Variants in FNIP2 observed in about 807,000 individuals in gnomAD.
FNIP2 encodes the protein folliculin-interacting protein 2.
Under a neutral mutation model 108.7 loss-of-function variants are expected in FNIP2, and 32 were observed. That is an observed-to-expected ratio of 0.29 (90% CI 0.22 to 0.40). The LOEUF (loss-of-function observed/expected upper bound fraction) is 0.40, where lower values mean the gene tolerates loss of function less well. Ranked by LOEUF, FNIP2 falls within the 10% of genes least tolerant of loss-of-function variation. The pLI is 1.00. For missense variants in FNIP2, 1,202 were observed against 1,381.6 expected (o/e 0.87, Z 2.06); for synonymous variants, 480 against 496.7 (o/e 0.97, Z 0.45).
At position 158,869,214 on chromosome 4, in the gene FNIP2, C is replaced by T. The variant is rs769641330; in HGVS notation, c.2578C>T (p.Arg860Trp). The T allele has an allele frequency of 1.4e-5, 23 of 1,613,912 alleles. No individual in the cohort carries two copies. Among genetic ancestry groups the T allele is most frequent in the Middle Eastern group, 1.6e-4 (1 of 6,084 alleles). The stretch of plus-strand genomic sequence containing the variant: ...GCCTGTTGCCCCCAGGTGTGTCCAG[C>T]GGGGCCCTGGCCTCGTGGCTGGTGC... ...LEPVAPRCVQ[R>W]GPGLVAGANI... Residue 860 changes from arginine to tryptophan, a missense_variant, in exon 13 of 17, where the codon CGG becomes TGG. Arg to Trp is a moderately radical substitution (Grantham distance 101). Around this residue, in one of 5 missense-constraint regions of FNIP2, gnomAD observed 878 missense variants for 990.3 expected, o/e 0.89. Transcript: ENST00000264433.
At chr4:158,770,966 C>T (rs1488639391) in intron 1 of FNIP2, among the ~76,000 whole-genome samples, 3 of 152,138 alleles carry the variant, frequency 2.0e-5, no homozygotes, top group Non-Finnish European at 4.4e-5. Flanking sequence ...ACAAGTTTAA[C>T]TGAGTGTATT....
chr4:158,829,736 G>A (rs1235197427), intron 3 of FNIP2, among the ~76,000 whole-genome samples: 5 of 151,170 alleles, frequency 3.3e-5, no homozygotes, highest in South Asian at 2.1e-4. Flanking sequence ...GTGTGTGTGT[G>A]TATAAGGATA....
chr4:158,904,901 T>C lies in FNIP2; in HGVS notation c.*357T>C. On this transcript the variant is annotated 3_prime_UTR_variant, in exon 17 of 17. Coordinates refer to ENST00000264433, the MANE Select transcript of FNIP2 (RefSeq NM_020840.3). ...AAGACAAGTGACTTGAGCGGGGTGGTCAGCAGTGTACATAATATTCCAGTA... is the reference window on the plus strand; with the variant it reads ...AAGACAAGTGACTTGAGCGGGGTGGCCAGCAGTGTACATAATATTCCAGTA... The C allele has an allele frequency of 4.7e-6, 1 of 213,006 alleles. No individual in the cohort carries two copies. The highest frequency in any genetic ancestry group is 9.3e-5 in the South Asian group (1 of 10,706). The allele number at this position is 213,006 out of a possible 1,614,324, so 13.2% of individuals were successfully genotyped here.
At chr4:158,895,966 G>A (rs941590817) in intron 16 of FNIP2, 101 bp downstream of exon 16, 2 of 802,238 alleles carry the variant, frequency 2.5e-6, no homozygotes, top group African/African-American at 3.4e-5. Context: ...CTCAGGCCCT[G>A]GTAACCCATC....
At position 158,772,217 on chromosome 4, in the gene FNIP2, G is replaced by A. The variant is rs1280916574; in HGVS notation, c.107+2898G>A. Among the ~76,000 whole-genome samples, 5 of 152,106 alleles carry A rather than the reference G, an allele frequency of 3.3e-5. No individual in the cohort carries two copies. The East Asian group carries it at 5.8e-4, about 18-fold the overall frequency. ...GGCATTTACATTTGAATAATGCTTCGTACCAGAAAAATAAATTAGGACAAA... is the reference window on the plus strand; with the variant it reads ...GGCATTTACATTTGAATAATGCTTCATACCAGAAAAATAAATTAGGACAAA... On this transcript the variant is annotated intron_variant, in intron 1 of 16. Transcript: ENST00000264433.
chr4:158,889,712 G>T, intron 14 of FNIP2: 1 of 535,708 alleles, frequency 1.9e-6, no homozygotes, highest in Non-Finnish European at 2.4e-6. Context: ...GATCTGTCCC[G>T]TGGCATGACC....
chr4:158,864,361 C>T (rs572129159), intron 12 of FNIP2, among the ~76,000 whole-genome samples: 251 of 152,146 alleles, frequency 1.6e-3, no homozygotes, highest in African/African-American at 5.6e-3. Flanking sequence ...ACAAGCCAAA[C>T]AAATTGCACA....
At chr4:158,822,968 A>G (rs972787516) in intron 1 of FNIP2, among the ~76,000 whole-genome samples, 1 of 152,100 alleles carries the variant, frequency 6.6e-6, no homozygotes, top group African/African-American at 2.4e-5. Context: ...TCCTTTTTTC[A>G]TTGAAAAATA....
Position 158,861,453 on chromosome 4 carries a change from G to C in FNIP2, c.1260G>C (p.Glu420Asp), listed in dbSNP as rs1264572648. Residue 420 changes from glutamate to aspartate, a missense_variant, in exon 11 of 17, where the codon GAG becomes GAC. This residue lies in a region of FNIP2 where 878 missense variants were observed against 990.3 expected (regional missense o/e 0.89). Coordinates refer to ENST00000264433, the MANE Select transcript of FNIP2 (RefSeq NM_020840.3). ...AGCTCTGCCAGCGCTTTCTCAAGGA[G>C]TTTACACTTCTGATAGAACAGATAA... ...KNQLCQRFLK[E>D]FTLLIEQINK... 1.2e-6 allele frequency: 2 copies of C among 1,613,996 alleles called. No homozygotes were observed. The highest frequency in any genetic ancestry group is 1.1e-5 in the South Asian group (1 of 91,072).
At position 158,895,746 on chromosome 4, in the gene FNIP2, G is replaced by C; in HGVS notation, c.3151-4G>C. On this transcript the variant is annotated splice_polypyrimidine_tract_variant and splice_region_variant and intron_variant, in intron 15 of 16. Coordinates refer to ENST00000264433, the MANE Select transcript of FNIP2 (RefSeq NM_020840.3). ...CCTCATTGTGAATGTTCTTGGCTTT[G>C]CAGTGCATCATGCATCTTGAAGATA... The C allele has an allele frequency of 6.3e-7, 1 of 1,582,246 alleles. No individual in the cohort carries two copies. The highest frequency in any genetic ancestry group is 8.7e-7 in the Non-Finnish European group (1 of 1,152,696).
At chr4:158,846,278 G>T (rs572180918) in intron 7 of FNIP2, among the ~76,000 whole-genome samples, 2 of 152,036 alleles carry the variant, frequency 1.3e-5, no homozygotes, top group Non-Finnish European at 2.9e-5. Context: ...AATTTTCATG[G>T]ATTAATATTA....
intron 1 of FNIP2, among the ~76,000 whole-genome samples, chr4:158,808,358 A>T (rs982383562): frequency 6.6e-6 from 1 of 152,228 alleles, no homozygotes; most frequent in African/African-American, 2.4e-5. Flanking sequence ...TTTAAATTTT[A>T]ACATTTTCAT....
At position 158,817,372 on chromosome 4, in the gene FNIP2, A is replaced by G. The variant is rs543100034; in HGVS notation, c.108-8544A>G. 3.3e-5 allele frequency among the ~76,000 whole-genome samples: 5 copies of G among 152,358 alleles called. No homozygotes were observed. In the East Asian group the frequency reaches 9.6e-4, roughly 29 times the overall value. On this transcript the variant is annotated intron_variant, in intron 1 of 16. Coordinates refer to ENST00000264433, the MANE Select transcript of FNIP2 (RefSeq NM_020840.3). Reference sequence around the variant, plus strand: ...ATGTTTAGCAGGTTTAAGGGATACCATGTAGTAATAATGTAGGTTAATTCA... The same window carrying G: ...ATGTTTAGCAGGTTTAAGGGATACCGTGTAGTAATAATGTAGGTTAATTCA...
intron 1 of FNIP2, among the ~76,000 whole-genome samples, chr4:158,790,600 A>C (rs946076401): frequency 5.9e-5 from 9 of 151,992 alleles, no homozygotes; most frequent in Admixed American, 5.3e-4. Context: ...TTTGAAAATC[A>C]GTTGGGCATG....
rs188307619 is a variant in FNIP2, at chr4:158,867,923, A to G, written c.1466-179A>G. Among the ~76,000 whole-genome samples, 6 of 152,340 alleles carry G rather than the reference A, an allele frequency of 3.9e-5. No individual in the cohort carries two copies. In the East Asian group the frequency reaches 1.2e-3, roughly 29 times the overall value. ...TGGGCCACAGCCTGTGTCCAGACTG[A>G]CTCACTTACAGTGGCAAAACTAAAA... On this transcript the variant is annotated intron_variant, in intron 12 of 16. Coordinates refer to ENST00000264433, the MANE Select transcript of FNIP2 (RefSeq NM_020840.3).
At chr4:158,777,560 C>T (rs60670280) in intron 1 of FNIP2, among the ~76,000 whole-genome samples, 10,970 of 152,214 alleles carry the variant, frequency 0.072, 575 homozygotes, top group African/African-American at 0.15. Context: ...ACATTTTCTC[C>T]AAGCATATCA....
chr4:158,817,796 C>T (rs1043644451), intron 1 of FNIP2, among the ~76,000 whole-genome samples: 5 of 152,146 alleles, frequency 3.3e-5, no homozygotes, highest in African/African-American at 7.2e-5. Context: ...CTGCCTGCCT[C>T]GGCCTCCCAA....
intron 1 of FNIP2, among the ~76,000 whole-genome samples, chr4:158,789,335 G>T (rs1008906420): frequency 1.3e-5 from 2 of 152,046 alleles, no homozygotes; most frequent in African/African-American, 4.8e-5. Flanking sequence ...GTGTGTGTGT[G>T]TGAGAAATCA....
chr4:158,868,817 A>G lies in FNIP2; in HGVS notation c.2181A>G (p.Pro727=). The part of the protein sequence containing the change: ...VTFQIGSFAS[P]ESDFESRMKK... The stretch of plus-strand genomic sequence containing the variant: ...TCCAGATTGGAAGCTTTGCATCTCC[A>G]GAGTCTGACTTTGAAAGCCGCATGA... Residue 727 remains proline, a synonymous_variant, in exon 13 of 17, where the codon CCA becomes CCG. Coordinates refer to ENST00000264433, the MANE Select transcript of FNIP2 (RefSeq NM_020840.3). This position sits in a 1 kb window ranked among gnomAD's most constrained non-coding sequence, Gnocchi z 4.6. The G allele has an allele frequency of 1.2e-6, 2 of 1,613,768 alleles. No homozygotes were observed. The highest frequency in any genetic ancestry group is 2.2e-5 in the East Asian group (1 of 44,892).
Sources: gnomAD v4.1 joint callset for allele counts (sites outside exome capture counted in the v4.1 genomes callset) on GRCh38, gnomAD v4.1.1 for gene constraint, gnomAD v4.1.1 regional missense constraint, Gnocchi (gnomAD v3.1) non-coding constraint, MANE v1.5 for transcripts, NCBI Gene and HGNC (gene_info 2026-07-23, HGNC 2026-07-21) for gene names.